Variants in PDSS2 observed in about 807,000 individuals in gnomAD.
PDSS2 encodes the protein decaprenyl diphosphate synthase subunit 2, also known as all trans-polyprenyl-diphosphate synthase PDSS2.
A neutral mutation model predicts 44.5 loss-of-function variants in PDSS2; 31 were observed. That is an observed-to-expected ratio of 0.70 (90% confidence interval 0.52 to 0.94). The LOEUF (loss-of-function observed/expected upper bound fraction) is 0.94. PDSS2 is among the 40% of genes least tolerant of loss of function. The probability of loss-of-function intolerance (pLI) is 0.00; values close to 1 mark genes in which losing one functional copy is unlikely to be tolerated. For synonymous variants in PDSS2, 157 were observed against 180.3 expected (o/e 0.87, Z 1.03); for missense variants, 452 against 482.2 (o/e 0.94, Z 0.59).
chr6:107,226,919 C>G (rs1041624707), intron 4 of PDSS2, among the ~76,000 whole-genome samples: 4 of 151,968 alleles, frequency 2.6e-5, no homozygotes, highest in Admixed American at 2.0e-4. Context: ...GATCCGCCTG[C>G]CTCAGTCTTC....
intron 1 of PDSS2, among the ~76,000 whole-genome samples, chr6:107,373,163 T>C (rs369291721): frequency 6.6e-6 from 1 of 151,988 alleles, no homozygotes. Context: ...TTTGTATTTT[T>C]AGTAGAGACG....
At chr6:107,278,099 T>C (rs942813633) in intron 2 of PDSS2, among the ~76,000 whole-genome samples, 8 of 151,976 alleles carry the variant, frequency 5.3e-5, no homozygotes, top group Non-Finnish European at 1.0e-4. Context: ...AAAGAACAAA[T>C]TGGCATTATC....
intron 1 of PDSS2, among the ~76,000 whole-genome samples, chr6:107,388,518 G>A (rs1391125334): frequency 1.3e-5 from 2 of 148,660 alleles, no homozygotes; most frequent in Non-Finnish European, 3.0e-5. Flanking sequence ...GCGCGATCTC[G>A]GCTCACTGCA....
At chr6:107,209,975 T>C (rs547625304) in intron 6 of PDSS2, among the ~76,000 whole-genome samples, 82 of 151,842 alleles carry the variant, frequency 5.4e-4, no homozygotes, top group African/African-American at 1.5e-3. Context: ...CATGCTTTTT[T>C]CCCCCCCGCT....
intron 1 of PDSS2, among the ~76,000 whole-genome samples, chr6:107,342,564 T>TTTGTATA (rs757133130): frequency 2.4e-3 from 368 of 152,328 alleles, no homozygotes; most frequent in Non-Finnish European, 3.7e-3. Flanking sequence ...TAATTATATA[T>TTTGTATA]TTAATACAAA....
At chr6:107,173,590 A>C (rs1304766470) in intron 7 of PDSS2, among the ~76,000 whole-genome samples, 4 of 150,102 alleles carry the variant, frequency 2.7e-5, no homozygotes, top group Non-Finnish European at 4.4e-5. Flanking sequence ...AAAAAAAAAA[A>C]AAAAAAACGC....
intron 1 of PDSS2, among the ~76,000 whole-genome samples, chr6:107,400,481 G>A (rs868812246): frequency 1.5e-4 from 23 of 152,268 alleles, no homozygotes; most frequent in African/African-American, 5.3e-4. Flanking sequence ...CCTGGGGGCC[G>A]CAGTTTTTGT....
intron 1 of PDSS2, among the ~76,000 whole-genome samples, chr6:107,365,822 AATC>A (rs776890242): frequency 1.2e-4 from 18 of 152,326 alleles, no homozygotes; most frequent in Non-Finnish European, 1.6e-4. Flanking sequence ...TAGTTTTCAT[AATC>A]ATCAGTATAT....
intron 1 of PDSS2, among the ~76,000 whole-genome samples, chr6:107,430,419 G>A (rs898991281): frequency 5.9e-5 from 9 of 152,192 alleles, no homozygotes; most frequent in Middle Eastern, 3.4e-3. Flanking sequence ...ATAATCACTC[G>A]AACCCGGGAG....
chr6:107,256,603 G>C (rs1470946423), intron 3 of PDSS2, among the ~76,000 whole-genome samples: 1 of 152,168 alleles, frequency 6.6e-6, no homozygotes, highest in Admixed American at 6.5e-5. Flanking sequence ...AGCTGTAATT[G>C]TATTTCTTCC....
At chr6:107,451,907 C>A (rs1420030886) in intron 1 of PDSS2, among the ~76,000 whole-genome samples, 1 of 152,224 alleles carries the variant, frequency 6.6e-6, no homozygotes, top group Non-Finnish European at 1.5e-5. Context: ...ACCTCAACAT[C>A]CCATTGTGAT....
At position 107,382,159 on chromosome 6, in the gene PDSS2, G is replaced by C. The variant is rs138039690; in HGVS notation, c.297-47827C>G. Among the ~76,000 whole-genome samples the C allele has an allele frequency of 3.4e-3, 516 of 152,298 alleles. 3 individuals are homozygous for C. The highest frequency in any genetic ancestry group is 0.012 in the African/African-American group (497 of 41,546). ...AGAATATAAGGTCGACAAGACTACA[G>C]CACATATCTGTGTATTCACTGTTAT... On this transcript the variant is annotated intron_variant, in intron 1 of 7. Transcript: ENST00000369037.
chr6:107,371,635 T>C (rs372885798), intron 1 of PDSS2, among the ~76,000 whole-genome samples: 1 of 152,158 alleles, frequency 6.6e-6, no homozygotes. Flanking sequence ...GAATATAAAA[T>C]TGACAACTAT....
At chr6:107,290,916 A>C (rs2115020182) in intron 2 of PDSS2, among the ~76,000 whole-genome samples, 1 of 152,232 alleles carries the variant, frequency 6.6e-6, no homozygotes, top group South Asian at 2.1e-4. Context: ...CCCAAAGAAC[A>C]GGGCAAATAA....
At chr6:107,419,862 A>T (rs1780772263) in intron 1 of PDSS2, among the ~76,000 whole-genome samples, 1 of 152,230 alleles carries the variant, frequency 6.6e-6, no homozygotes, top group African/African-American at 2.4e-5. Context: ...AAGCATCGTT[A>T]TCAACCAAGT....
intron 7 of PDSS2, among the ~76,000 whole-genome samples, chr6:107,161,177 G>A (rs1771112428): frequency 6.6e-6 from 1 of 151,258 alleles, no homozygotes; most frequent in African/African-American, 2.4e-5. Flanking sequence ...TCCCAGCCTA[G>A]GCTAAGAAAT....
intron 2 of PDSS2, among the ~76,000 whole-genome samples, chr6:107,296,926 T>C (rs1776527895): frequency 6.6e-6 from 1 of 151,948 alleles, no homozygotes; most frequent in Non-Finnish European, 1.5e-5. Context: ...TAGAGAAAAA[T>C]ACGAAAATGA....
At chr6:107,286,224 T>C (rs1030087855) in intron 2 of PDSS2, among the ~76,000 whole-genome samples, 1 of 150,622 alleles carries the variant, frequency 6.6e-6, no homozygotes, top group South Asian at 2.1e-4. Context: ...AAATATACCA[T>C]AGGCTGGGCG....
At chr6:107,240,838 G>C (rs1774399767) in intron 4 of PDSS2, among the ~76,000 whole-genome samples, 1 of 152,058 alleles carries the variant, frequency 6.6e-6, no homozygotes, top group South Asian at 2.1e-4. Flanking sequence ...AAGCAGAATG[G>C]CTAATTTTTA....
Sources: gnomAD v4.1 joint callset for allele counts (sites outside exome capture counted in the v4.1 genomes callset) on GRCh38, gnomAD v4.1.1 for gene constraint, MANE v1.5 for transcripts, NCBI Gene and HGNC (gene_info 2026-07-23, HGNC 2026-07-21) for gene names.